The following FSIP1 variants were observed in gnomAD, a reference collection of about 807,000 sequenced individuals.
The protein encoded by FSIP1 is fibrous sheath-interacting protein 1.
A neutral mutation model predicts 60.9 loss-of-function variants in FSIP1; 65 were observed. That is an observed-to-expected ratio of 1.07 (90% CI 0.87 to 1.31). The LOEUF (loss-of-function observed/expected upper bound fraction) is 1.31, where lower values mean the gene tolerates loss of function less well. Ranked by LOEUF, FSIP1 falls within the 40% of genes most tolerant of loss-of-function variation. FSIP1 has a pLI of 0.00. For synonymous variants in FSIP1, 209 were observed against 221.2 expected, an observed-to-expected ratio of 0.94 and a Z score of 0.49; for missense variants, 675 against 665.5, an observed-to-expected ratio of 1.01 and a Z score of -0.16.
chr15:39,670,401 C>T (rs1357373000), intron 10 of FSIP1, among the ~76,000 whole-genome samples: 1 of 152,142 alleles, frequency 6.6e-6, no homozygotes, highest in African/African-American at 2.4e-5. Context: ...AAAATATACT[C>T]CTACATATTA....
chr15:39,676,062 A>G (rs534918491), intron 10 of FSIP1, among the ~76,000 whole-genome samples: 1 of 151,102 alleles, frequency 6.6e-6, no homozygotes, highest in African/African-American at 2.4e-5. Flanking sequence ...AGTTCCAGCT[A>G]CTTGAAAGGC....
chr15:39,614,114 A>G (rs1891131042), intron 11 of FSIP1, among the ~76,000 whole-genome samples: 1 of 152,170 alleles, frequency 6.6e-6, no homozygotes, highest in Non-Finnish European at 1.5e-5. Context: ...AGGCATCCTA[A>G]TAGGAAATGA....
At chr15:39,655,282 C>G (rs1319484435) in intron 10 of FSIP1, among the ~76,000 whole-genome samples, 1 of 152,182 alleles carries the variant, frequency 6.6e-6, no homozygotes, top group Non-Finnish European at 1.5e-5. Flanking sequence ...ACAGGGATTT[C>G]TTAAGGGTCT....
At chr15:39,679,241 C>T (rs1260656925) in intron 10 of FSIP1, among the ~76,000 whole-genome samples, 1 of 152,130 alleles carries the variant, frequency 6.6e-6, no homozygotes, top group African/African-American at 2.4e-5. Flanking sequence ...AGTCCAAAAA[C>T]GCTAACGGCT....
intron 5 of FSIP1, among the ~76,000 whole-genome samples, chr15:39,751,927 C>T: frequency 6.6e-6 from 1 of 151,780 alleles, no homozygotes; most frequent in South Asian, 2.1e-4. Context: ...ATATATGTAT[C>T]TCATATCATG....
intron 10 of FSIP1, among the ~76,000 whole-genome samples, chr15:39,650,682 G>A (rs1225818102): frequency 6.6e-6 from 1 of 152,140 alleles, no homozygotes; most frequent in Non-Finnish European, 1.5e-5. Flanking sequence ...GAACAAGAAG[G>A]GAACTTCCCA....
intron 10 of FSIP1, among the ~76,000 whole-genome samples, chr15:39,705,997 CA>C (rs35710055): frequency 0.64 from 72,511 of 114,082 alleles, 22,756 homozygotes; most frequent in Middle Eastern, 0.85. Context: ...GACTCGGTCT[CA>C]AAAAAAAAAA....
chr15:39,639,264 T>G (rs1892261439), intron 10 of FSIP1, among the ~76,000 whole-genome samples: 1 of 152,104 alleles, frequency 6.6e-6, no homozygotes, highest in Non-Finnish European at 1.5e-5. Flanking sequence ...GAGAAATGAC[T>G]GAGCACTGGA....
chr15:39,712,074 C>T lies in FSIP1; in HGVS notation c.1188+1370G>A, dbSNP rs574342368. Among the ~76,000 whole-genome samples the T allele has an allele frequency of 9.2e-5, 14 of 152,206 alleles. 1 individual carries two copies. The South Asian group carries it at 2.3e-3, about 25-fold the overall frequency. On this transcript the variant is annotated intron_variant, in intron 10 of 11. Coordinates refer to ENST00000350221, the MANE Select transcript of FSIP1 (RefSeq NM_152597.5). Reference sequence around the variant, plus strand: ...ATAGAGGTCTCCCTGAAATATAATGCCCATGAGATTTCTCATGCAAAGCAA... The same window carrying T: ...ATAGAGGTCTCCCTGAAATATAATGTCCATGAGATTTCTCATGCAAAGCAA...
At chr15:39,644,697 A>G (rs1003420107) in intron 10 of FSIP1, among the ~76,000 whole-genome samples, 4 of 151,782 alleles carry the variant, frequency 2.6e-5, no homozygotes, top group Non-Finnish European at 4.4e-5. Flanking sequence ...TTTCAGCACT[A>G]TGATTTACAG....
At chr15:39,702,982 CTTTT>C (rs67911946) in intron 10 of FSIP1, among the ~76,000 whole-genome samples, 12 of 133,976 alleles carry the variant, frequency 9.0e-5, no homozygotes, top group African/African-American at 1.4e-4. Flanking sequence ...TCATAATTGT[CTTTT>C]TTTTTTTTTT....
intron 11 of FSIP1, among the ~76,000 whole-genome samples, chr15:39,616,359 G>A (rs1267766115): frequency 6.6e-6 from 1 of 152,158 alleles, no homozygotes; most frequent in Non-Finnish European, 1.5e-5. Flanking sequence ...TAGAGTCTCT[G>A]TTTTTAAAAA....
At chr15:39,615,018 G>A (rs1891172707) in intron 11 of FSIP1, among the ~76,000 whole-genome samples, 1 of 152,174 alleles carries the variant, frequency 6.6e-6, no homozygotes, top group South Asian at 2.1e-4. Flanking sequence ...TGACAAAGAT[G>A]TCAAGAATGC....
chr15:39,780,527 G>GA (rs1413186396), intron 1 of FSIP1, among the ~76,000 whole-genome samples: 4 of 151,312 alleles, frequency 2.6e-5, no homozygotes, highest in Non-Finnish European at 5.9e-5. Context: ...GTCAAAAAAA[G>GA]AAAAAAAAAT....
chr15:39,693,942 CA>C lies in FSIP1; in HGVS notation c.1188+19501del, dbSNP rs925487330. 3.6e-3 allele frequency among the ~76,000 whole-genome samples: 535 copies of C among 150,250 alleles called. 3 individuals are homozygous for C. The highest frequency in any genetic ancestry group is 0.012 in the African/African-American group (505 of 40,936). On this transcript the variant is annotated intron_variant, in intron 10 of 11. Transcript: ENST00000350221. ...GAATAGATTTTAAATATTCTCATCA[CA>C]AAAAAAAATGATAAGAAGGTGAAGT...
At chr15:39,640,095 C>T (rs1039322137) in intron 10 of FSIP1, among the ~76,000 whole-genome samples, 1 of 152,038 alleles carries the variant, frequency 6.6e-6, no homozygotes, top group Non-Finnish European at 1.5e-5. Context: ...TTGTGTTAAC[C>T]CCATGTATGT....
At position 39,770,560 on chromosome 15, in the gene FSIP1, G is replaced by C; in HGVS notation, c.177C>G (p.Ser59Arg). ...TAGTTCTTCTGTTCTCTGTATTACT[G>C]CTTTCGGAGTGGTCCTCTTTACCAG... ...LNSGKEDHSE[S>R]SNTENRRTSN... The change falls in exon 3 of 12, where the codon AGC (serine) becomes AGG (arginine). Residue 59 changes from serine (S) to arginine (R), a missense_variant. Ser to Arg is a moderately radical substitution (Grantham distance 110, BLOSUM62 -1). Coordinates refer to ENST00000350221, the MANE Select transcript of FSIP1 (RefSeq NM_152597.5). 6.3e-7 allele frequency: 1 copy of C among 1,596,750 alleles called. No individual in the cohort carries two copies. The highest frequency in any genetic ancestry group is 8.5e-7 in the Non-Finnish European group (1 of 1,174,028).
At chr15:39,714,769 G>A (rs1895668823) in intron 9 of FSIP1, among the ~76,000 whole-genome samples, 1 of 151,128 alleles carries the variant, frequency 6.6e-6, no homozygotes, top group Non-Finnish European at 1.5e-5. Context: ...AGAAGTTAGA[G>A]ACCAGCCTGG....
intron 2 of FSIP1, among the ~76,000 whole-genome samples, chr15:39,772,550 C>G (rs1371617731): frequency 6.6e-6 from 1 of 151,924 alleles, no homozygotes; most frequent in Non-Finnish European, 1.5e-5. Flanking sequence ...CCTCCTTGGC[C>G]TCCCAAAGTG....
Sources: allele counts gnomAD v4.1 joint callset (sites outside exome capture counted in the v4.1 genomes callset), GRCh38; gene constraint gnomAD v4.1.1; transcripts MANE v1.5; gene names NCBI Gene and HGNC (gene_info 2026-07-23, HGNC 2026-07-21).